Variants in PTDSS2 observed in about 807,000 individuals in gnomAD.
The protein encoded by PTDSS2 is PSS-2.
PTDSS2 carries 41 observed loss-of-function variants against 64.7 expected under a neutral mutation model. That is an observed-to-expected ratio of 0.63 (90% CI 0.49 to 0.82). The LOEUF is 0.82. Among genes scored for constraint, PTDSS2 ranks in the 40% least tolerant of loss-of-function variants. PTDSS2 has a pLI of 0.00. For missense variants in PTDSS2, 485 were observed against 650.0 expected (o/e 0.75, Z 2.76); for synonymous variants, 297 against 277.8 (o/e 1.07, Z -0.69).
At chr11:456,167 A>ATTTTT (rs1590607987) in intron 1 of PTDSS2, among the ~76,000 whole-genome samples, 1 of 113,450 alleles carries the variant, frequency 8.8e-6, no homozygotes, top group Non-Finnish European at 1.9e-5. Context: ...GTTTTCTTTC[A>ATTTTT]TTCTTTTTTT....
intron 2 of PTDSS2, among the ~76,000 whole-genome samples, chr11:472,585 C>T (rs554238524): frequency 2.6e-5 from 4 of 152,266 alleles, no homozygotes; most frequent in African/African-American, 9.6e-5. Context: ...AGCAGTAGAC[C>T]CTTGTCCCGG....
At chr11:472,008 C>T (rs1456459161) in intron 2 of PTDSS2, among the ~76,000 whole-genome samples, 1 of 131,354 alleles carries the variant, frequency 7.6e-6, no homozygotes, top group Non-Finnish European at 1.6e-5. Flanking sequence ...CCTGGGGTGA[C>T]GCGGATGGCG....
At chr11:451,359 C>A in intron 1 of PTDSS2, 1 of 444,396 alleles carries the variant, frequency 2.3e-6, no homozygotes. Flanking sequence ...CAGACAGGCT[C>A]CAGGTGCCGC....
intron 2 of PTDSS2, among the ~76,000 whole-genome samples, chr11:465,910 C>G (rs958018763): frequency 6.6e-6 from 1 of 152,138 alleles, no homozygotes; most frequent in East Asian, 1.9e-4. Context: ...CCACTGCACT[C>G]CAGCCTAGGC....
intron 1 of PTDSS2, among the ~76,000 whole-genome samples, chr11:453,224 T>C (rs1846425115): frequency 6.6e-6 from 1 of 152,144 alleles, no homozygotes. Context: ...AGGACAATTA[T>C]GGGGAACATC....
Position 460,351 on chromosome 11 carries a change from C to T in PTDSS2, c.284+63C>T. On this transcript the variant is annotated intron_variant, in intron 2 of 11. Transcript: ENST00000308020. The surrounding 1 kb of genome is among the most constrained non-coding windows in gnomAD (Gnocchi z 5.8). ...TGTGCCCCGTGTGGTGGGTGTGGCA[C>T]CCTTACTGCTCGGGCTGCCGGGGGC... The T allele has an allele frequency of 7.1e-7, 1 of 1,399,146 alleles. No individual in the cohort carries two copies. Among genetic ancestry groups the T allele is most frequent in the Admixed American group, 1.7e-5 (1 of 57,330 alleles). 86.7% of individuals were successfully genotyped at this position (1,399,146 alleles called of 1,614,324 possible). A position where few individuals can be genotyped will look rare whatever the true frequency, so the allele number is the denominator to read the frequency against.
chr11:474,072 TC>T, intron 3 of PTDSS2, 95 bp downstream of exon 3: 2 of 1,048,322 alleles, frequency 1.9e-6, no homozygotes, highest in Non-Finnish European at 1.5e-6. Flanking sequence ...TGTCCTGTCC[TC>T]CCCTCCGCCT....
chr11:490,350 C>T, intron 11 of PTDSS2, 70 bp from the exon 12 acceptor site: 1 of 1,599,608 alleles, frequency 6.3e-7, no homozygotes, highest in Non-Finnish European at 8.6e-7. Flanking sequence ...GGACTAGGTG[C>T]CAGCTGTCCA....
At chr11:473,839 C>T (rs909938354) in intron 2 of PTDSS2, 56 bp from the exon 3 acceptor site, 18 of 1,375,276 alleles carry the variant, frequency 1.3e-5, no homozygotes, top group African/African-American at 4.3e-5. Flanking sequence ...AGCCTCCCAC[C>T]TCCCTCCTGG....
intron 1 of PTDSS2, among the ~76,000 whole-genome samples, chr11:454,157 G>T (rs915422155): frequency 1.3e-5 from 2 of 152,198 alleles, no homozygotes; most frequent in African/African-American, 4.8e-5. Flanking sequence ...CTTTCCAGGA[G>T]CGTTGGATTT....
In PTDSS2 at chr11:489,868, C is replaced by T. The variant is rs778690916; in HGVS notation, c.1116-15C>T. ...TGCGGGGCCCGGGACGCTGAACCCC[C>T]TGCTGCCCCTGCAGGAAGCCCCACA... is the stretch of plus-strand genomic sequence containing the variant. On this transcript the variant is annotated splice_polypyrimidine_tract_variant and intron_variant, in intron 10 of 11. Coordinates refer to ENST00000308020, the MANE Select transcript of PTDSS2 (RefSeq NM_030783.3). 29 of 1,568,912 alleles carry T rather than the reference C, an allele frequency of 1.8e-5. No homozygotes were observed. The East Asian group carries it at 3.0e-4, about 16-fold the overall frequency.
chr11:470,007 G>A lies in PTDSS2; in HGVS notation c.285-3888G>A, dbSNP rs112710581. 8.0e-3 allele frequency among the ~76,000 whole-genome samples: 1,219 copies of A among 152,326 alleles called. 21 individuals are homozygous for A. Among genetic ancestry groups the A allele is most frequent in the African/African-American group, 0.028 (1,169 of 41,554 alleles). ...AGCCCATAGTGATATAAGTGATTGAGTAAATAAACAGAGGGAACAAGACCA... is the reference window on the plus strand; with the variant it reads ...AGCCCATAGTGATATAAGTGATTGAATAAATAAACAGAGGGAACAAGACCA... On this transcript the variant is annotated intron_variant, in intron 2 of 11. Coordinates refer to ENST00000308020, the MANE Select transcript of PTDSS2 (RefSeq NM_030783.3). This position sits in a 1 kb window ranked among gnomAD's most constrained non-coding sequence, Gnocchi z 5.3.
chr11:487,284 C>A, intron 5 of PTDSS2, 136 bp from the exon 6 acceptor site: 1 of 993,758 alleles, frequency 1.0e-6, no homozygotes, highest in Non-Finnish European at 1.6e-6. Context: ...TCTCCACAGG[C>A]CACGGCAGCA....
Position 476,620 on chromosome 11 carries a change from G to A in PTDSS2, c.368-2465G>A, listed in dbSNP as rs573352420. ...ACCCCTGGCACAGGGAGAGACTCCCGGGAGACCCTCAGCTCTGAGCAGTCA... is the reference window on the plus strand; with the variant it reads ...ACCCCTGGCACAGGGAGAGACTCCCAGGAGACCCTCAGCTCTGAGCAGTCA... On this transcript the variant is annotated intron_variant, in intron 3 of 11. Transcript: ENST00000308020. This position sits in a 1 kb window ranked among gnomAD's most constrained non-coding sequence, Gnocchi z 4.9. 1.6e-4 allele frequency among the ~76,000 whole-genome samples: 25 copies of A among 152,248 alleles called. 1 individual carries two copies. Among genetic ancestry groups the A allele is most frequent in the Non-Finnish European group, 2.9e-4 (20 of 68,006 alleles).
At chr11:466,735 C>T (rs1564970487) in intron 2 of PTDSS2, among the ~76,000 whole-genome samples, 1 of 152,116 alleles carries the variant, frequency 6.6e-6, no homozygotes, top group Non-Finnish European at 1.5e-5. Context: ...AAACCATCAG[C>T]TCTCGTGAGA....
chr11:479,352 G>A lies in PTDSS2; in HGVS notation c.435+200G>A. ...TGAGTGATGGGGGGCAGCAAAGCTA[G>A]ACCTTCAAAACGTAGGCCGAGCTGC... is the stretch of plus-strand genomic sequence containing the variant. On this transcript the variant is annotated intron_variant, in intron 4 of 11. Transcript: ENST00000308020. The surrounding 1 kb of genome is among the most constrained non-coding windows in gnomAD (Gnocchi z 4.2). 1.6e-6 allele frequency: 1 copy of A among 628,486 alleles called. No individual in the cohort carries two copies. Among genetic ancestry groups the A allele is most frequent in the African/African-American group, 1.8e-5 (1 of 54,308 alleles). The allele number at this position is 628,486 out of a possible 1,614,324, so 38.9% of individuals were successfully genotyped here. A position where few individuals can be genotyped will look rare whatever the true frequency, so the allele number is the denominator to read the frequency against.
Position 488,584 on chromosome 11 carries a change from C to A in PTDSS2, c.791C>A (p.Thr264Asn). The change falls in exon 8 of 12, where the codon ACC (threonine) becomes AAC (asparagine). Residue 264 changes from threonine to asparagine, a missense_variant. Physicochemically the swap from Thr to Asn is moderately conservative, Grantham distance 65. Around this residue, in one of 3 missense-constraint regions of PTDSS2, gnomAD observed 251 missense variants for 348.0 expected, o/e 0.72. Transcript: ENST00000308020. ...NGLGIYCGMK[T>N]LEWLSLKTYK... ...CTGGGCATCTACTGCGGCATGAAGA[C>A]CCTTGAGTGGCTGTCCCTGAAGACG... is the stretch of plus-strand genomic sequence containing the variant. The A allele has an allele frequency of 6.2e-7, 1 of 1,613,602 alleles. No individual in the cohort carries two copies. Among genetic ancestry groups the A allele is most frequent in the Non-Finnish European group, 8.5e-7 (1 of 1,179,972 alleles).
chr11:482,749 C>T (rs1432980829), intron 4 of PTDSS2, among the ~76,000 whole-genome samples: 2 of 151,904 alleles, frequency 1.3e-5, no homozygotes, highest in Non-Finnish European at 2.9e-5. Flanking sequence ...TTGTAGATCT[C>T]CCTACCGAGT....
At chr11:449,962 C>T (rs117150552), upstream of PTDSS2, among the ~76,000 whole-genome samples, 73 of 152,240 alleles carry the variant, frequency 4.8e-4, no homozygotes, top group Middle Eastern at 6.8e-3. Context: ...AGGAATGACC[C>T]GGGTCGCATG....
Sources: allele counts gnomAD v4.1 joint callset (sites outside exome capture counted in the v4.1 genomes callset), GRCh38; gene constraint gnomAD v4.1.1; regional missense constraint gnomAD v4.1.1; non-coding constraint Gnocchi (gnomAD v3.1); transcripts MANE v1.5; gene names NCBI Gene and HGNC (gene_info 2026-07-23, HGNC 2026-07-21).